FIG4: variants seen among roughly 807,000 people sequenced by gnomAD.
FIG4 encodes the protein polyphosphoinositide phosphatase.
FIG4 carries 112 observed loss-of-function variants against 118.6 expected under a neutral mutation model. The observed-to-expected ratio is 0.94, with a 90% CI of 0.81 to 1.11. The LOEUF is 1.11. FIG4 is among the 50% of genes least tolerant of loss of function. The probability of loss-of-function intolerance (pLI) is 0.00; values close to 1 mark genes in which losing one functional copy is unlikely to be tolerated. For missense variants in FIG4, 969 were observed against 1,111.7 expected, an observed-to-expected ratio of 0.87 and a Z score of 1.83; for synonymous variants, 369 against 381.2, an observed-to-expected ratio of 0.97 and a Z score of 0.37.
chr6:109,727,281 A>G lies in FIG4; in HGVS notation c.446+16A>G, dbSNP rs1330337335. 3 of 1,526,244 alleles carry G rather than the reference A, an allele frequency of 2.0e-6. No homozygotes were observed. Among genetic ancestry groups the G allele is most frequent in the African/African-American group, 2.1e-5 (1 of 48,552 alleles). 94.5% of individuals were successfully genotyped at this position (1,526,244 alleles called of 1,614,324 possible). On this transcript the variant is annotated intron_variant, in intron 4 of 22. Transcript: ENST00000230124. ...ATGAAGCTAGGTATGTATGGTGGTAACTACCTTTTTTTTTTTGGAGACAAG... is the reference window on the plus strand; with the variant it reads ...ATGAAGCTAGGTATGTATGGTGGTAGCTACCTTTTTTTTTTTGGAGACAAG...
intron 22 of FIG4, among the ~76,000 whole-genome samples, chr6:109,798,483 G>A (rs984250853): frequency 2.0e-5 from 3 of 152,190 alleles, no homozygotes; most frequent in Admixed American, 6.5e-5. Flanking sequence ...GCATCAAAGT[G>A]GAGAAGTTTA....
At chr6:109,711,616 T>C (rs1775265431) in intron 1 of FIG4, among the ~76,000 whole-genome samples, 1 of 152,122 alleles carries the variant, frequency 6.6e-6, no homozygotes, top group Non-Finnish European at 1.5e-5. Flanking sequence ...CCCGTTTGCT[T>C]GATAGATTTT....
chr6:109,808,317 A>T (rs1211094718), intron 22 of FIG4, among the ~76,000 whole-genome samples: 2 of 136,892 alleles, frequency 1.5e-5, no homozygotes, highest in African/African-American at 5.4e-5. Context: ...TATATTGGTG[A>T]TCATTATTTT....
chr6:109,814,541 A>C (rs1262320608), intron 22 of FIG4, among the ~76,000 whole-genome samples: 1 of 151,988 alleles, frequency 6.6e-6, no homozygotes, highest in Non-Finnish European at 1.5e-5. Context: ...TATTTTATGG[A>C]AGGTACTTTG....
chr6:109,823,676 G>C (rs1562703429), intron 22 of FIG4, among the ~76,000 whole-genome samples: 2 of 152,064 alleles, frequency 1.3e-5, no homozygotes, highest in Non-Finnish European at 2.9e-5. Flanking sequence ...GTCCAGTTCT[G>C]TGTCTGACTA....
At chr6:109,760,799 C>T (rs1231239222) in intron 11 of FIG4, among the ~76,000 whole-genome samples, 1 of 152,040 alleles carries the variant, frequency 6.6e-6, no homozygotes, top group Non-Finnish European at 1.5e-5. Context: ...AGAATGTGAC[C>T]ACTTTTTATT....
chr6:109,785,184 A>G (rs1043797535), intron 17 of FIG4, among the ~76,000 whole-genome samples, 156 bp downstream of exon 17: 2 of 152,224 alleles, frequency 1.3e-5, no homozygotes, highest in African/African-American at 4.8e-5. Flanking sequence ...ATAGGATATT[A>G]TAACATCTCT....
chr6:109,765,249 A>G (rs557123785), intron 14 of FIG4, 88 bp downstream of exon 14: 23 of 1,054,898 alleles, frequency 2.2e-5, no homozygotes, highest in Non-Finnish European at 3.2e-5. Flanking sequence ...AAGCGTTTCT[A>G]CTTTTAGCTT....
At chr6:109,702,442 T>C (rs963632199) in intron 1 of FIG4, among the ~76,000 whole-genome samples, 1 of 152,208 alleles carries the variant, frequency 6.6e-6, no homozygotes, top group African/African-American at 2.4e-5. Flanking sequence ...TCTTCTATCT[T>C]AACAGGTATT....
chr6:109,767,997 G>A (rs1406455745), intron 15 of FIG4, among the ~76,000 whole-genome samples: 1 of 152,226 alleles, frequency 6.6e-6, no homozygotes, highest in African/African-American at 2.4e-5. Flanking sequence ...CTGTTGAAGA[G>A]ACGCAGCATG....
At position 109,825,140 on chromosome 6, in the gene FIG4, A is replaced by G. The variant is rs533419433; in HGVS notation, c.2599A>G (p.Arg867Gly). 2.4e-5 allele frequency: 38 copies of G among 1,614,106 alleles called. No homozygotes were observed. The highest frequency in any genetic ancestry group is 1.6e-4 in the East Asian group (7 of 44,884). The stretch of plus-strand genomic sequence containing the variant: ...TAACATCTATGAAGTTCAGCCCCCA[A>G]GAGTAGACAGAAAATCTACAGAGAT... ...QDNIYEVQPP[R>G]VDRKSTEIFQ... The change falls in exon 23 of 23, where the codon AGA becomes GGA. Residue 867 changes from arginine (R) to glycine (G), a missense_variant. Around this residue, in one of 3 missense-constraint regions of FIG4, gnomAD observed 330 missense variants for 348.1 expected, o/e 0.95. Coordinates refer to ENST00000230124, the MANE Select transcript of FIG4 (RefSeq NM_014845.6).
At chr6:109,758,534 G>A (rs1182348892) in intron 10 of FIG4, among the ~76,000 whole-genome samples, 1 of 152,140 alleles carries the variant, frequency 6.6e-6, no homozygotes, top group Non-Finnish European at 1.5e-5. Context: ...ATACTATTCA[G>A]GACATAGGCA....
At position 109,794,986 on chromosome 6, in the gene FIG4, C is replaced by T. The variant is rs111840614; in HGVS notation, c.2460-1779C>T. Among the ~76,000 whole-genome samples, 1,355 of 152,096 alleles carry T rather than the reference C, an allele frequency of 8.9e-3. 20 individuals carry two copies. The highest frequency in any genetic ancestry group is 0.031 in the African/African-American group (1,300 of 41,498). On this transcript the variant is annotated intron_variant, in intron 21 of 22. Coordinates refer to ENST00000230124, the MANE Select transcript of FIG4 (RefSeq NM_014845.6). The stretch of plus-strand genomic sequence containing the variant: ...TAGTTTTTTTCTAATTGCTGAGCCC[C>T]GCTGTCTATGTCTTCCTTTTCCCTC...
intron 21 of FIG4, among the ~76,000 whole-genome samples, chr6:109,795,157 G>A (rs569767867): frequency 3.5e-5 from 4 of 113,458 alleles, no homozygotes; most frequent in East Asian, 2.7e-4. Context: ...TCGCTCTGTC[G>A]CCCAGGCGGG....
At chr6:109,735,424 G>A (rs759055459) in intron 6 of FIG4, 126 bp downstream of exon 6, 1 of 879,008 alleles carries the variant, frequency 1.1e-6, no homozygotes, top group Non-Finnish European at 1.9e-6. Flanking sequence ...ACGTGGGGTT[G>A]TTTTGGATAT....
intron 10 of FIG4, among the ~76,000 whole-genome samples, chr6:109,752,625 C>T (rs542784535): frequency 6.6e-6 from 1 of 152,310 alleles, no homozygotes; most frequent in East Asian, 1.9e-4. Context: ...CTGTTGGCTG[C>T]ATAAATGTCT....
intron 3 of FIG4, among the ~76,000 whole-genome samples, chr6:109,722,139 G>A (rs1412271458): frequency 6.6e-6 from 1 of 150,672 alleles, no homozygotes; most frequent in Admixed American, 6.6e-5. Flanking sequence ...TACTTCCTAA[G>A]TTGCTTTTAG....
chr6:109,704,749 A>G (rs1392612808), intron 1 of FIG4, among the ~76,000 whole-genome samples: 1 of 151,586 alleles, frequency 6.6e-6, no homozygotes, highest in Non-Finnish European at 1.5e-5. Context: ...CTGATGAACT[A>G]TTCTAGATTA....
At chr6:109,816,915 G>A (rs1437753937) in intron 22 of FIG4, among the ~76,000 whole-genome samples, 1 of 152,250 alleles carries the variant, frequency 6.6e-6, no homozygotes, top group Non-Finnish European at 1.5e-5. Context: ...CGCCATTACT[G>A]CAATCCATTG....
Sources: gnomAD v4.1 joint callset for allele counts (sites outside exome capture counted in the v4.1 genomes callset) on GRCh38, gnomAD v4.1.1 for gene constraint, gnomAD v4.1.1 regional missense constraint, MANE v1.5 for transcripts, NCBI Gene and HGNC (gene_info 2026-07-23, HGNC 2026-07-21) for gene names.